The following SCYL1 variants were observed in gnomAD, a reference collection of about 807,000 sequenced individuals.
SCYL1 encodes N-terminal kinase-like protein.
SCYL1 carries 85 observed loss-of-function variants against 94.8 expected under a neutral mutation model. The observed-to-expected ratio is 0.90, with a 90% confidence interval of 0.75 to 1.07. The LOEUF is 1.07. Ranked by LOEUF, SCYL1 falls within the 50% of genes least tolerant of loss-of-function variation. SCYL1 has a pLI of 0.00. For missense variants in SCYL1, 968 were observed against 1,083.3 expected, an observed-to-expected ratio of 0.89 and a Z score of 1.49; for synonymous variants, 459 against 435.5, an observed-to-expected ratio of 1.05 and a Z score of -0.67.
Position 65,527,044 on chromosome 11 carries a change from A to G in SCYL1, c.776A>G (p.Gln259Arg), listed in dbSNP as rs1855121940. 2.5e-6 allele frequency: 4 copies of G among 1,613,618 alleles called. No homozygotes were observed. The highest frequency in any genetic ancestry group is 1.7e-5 in the Admixed American group (1 of 60,014). Residue 259 changes from glutamine to arginine, a missense_variant, in exon 6 of 18, where the codon CAG (glutamine) becomes CGG (arginine). Gln to Arg is a conservative substitution (Grantham distance 43, BLOSUM62 1). Around this residue, in one of 2 missense-constraint regions of SCYL1, gnomAD observed 494 missense variants for 619.7 expected, o/e 0.80. Coordinates refer to ENST00000270176, the MANE Select transcript of SCYL1 (RefSeq NM_020680.4). ...KVRPNPARFL[Q>R]NCRAPGGFMS... The stretch of plus-strand genomic sequence containing the variant: ...CGTCCCAACCCAGCCCGCTTCCTGC[A>G]GAACTGCCGGGCACCTGGTGGCTTC...
At chr11:65,535,462 T>G (rs931479545) in intron 10 of SCYL1, 80 bp downstream of exon 10, 4 of 1,542,800 alleles carry the variant, frequency 2.6e-6, no homozygotes, top group East Asian at 2.3e-5. Context: ...GTCTTGTGTG[T>G]GGGGGCCTTC....
At position 65,538,202 on chromosome 11, in the gene SCYL1, C is replaced by G. The variant is rs750371047; in HGVS notation, c.2247+20C>G. On this transcript the variant is annotated intron_variant, in intron 16 of 17. Coordinates refer to ENST00000270176, the MANE Select transcript of SCYL1 (RefSeq NM_020680.4). ...ACCCAGGTACCCAGCACAGGTCTGG[C>G]GAGAGGGTAGAGATGGTGGACCTCA... 6 of 1,565,578 alleles carry G rather than the reference C, an allele frequency of 3.8e-6. No homozygotes were observed. The South Asian group carries it at 4.7e-5, about 12-fold the overall frequency.
At chr11:65,525,875 C>T in intron 2 of SCYL1, 46 bp from the exon 3 acceptor site, 1 of 1,597,912 alleles carries the variant, frequency 6.3e-7, no homozygotes, top group South Asian at 1.1e-5. Flanking sequence ...ATCTCTCCTT[C>T]CTCTCTGCCC....
chr11:65,525,644 C>T lies in SCYL1; in HGVS notation c.182C>T (p.Ala61Val). 1 of 1,612,816 alleles carries T rather than the reference C, an allele frequency of 6.2e-7. No homozygotes were observed. Among genetic ancestry groups the T allele is most frequent in the Non-Finnish European group, 8.5e-7 (1 of 1,179,952 alleles). The part of the protein sequence containing the change: ...KPGAEEQTQV[A>V]KAAFKRFKTL... ...GGCGCGGAAGAGCAGACCCAGGTGGCCAAAGCTGCCTTCAAGCGCTTCAAA... is the reference window on the plus strand; with the variant it reads ...GGCGCGGAAGAGCAGACCCAGGTGGTCAAAGCTGCCTTCAAGCGCTTCAAA... Residue 61 changes from alanine (A) to valine (V), a missense_variant, in exon 2 of 18, where the codon GCC (alanine) becomes GTC (valine). Ala to Val is a moderately conservative substitution (Grantham distance 64, BLOSUM62 0). Coordinates refer to ENST00000270176, the MANE Select transcript of SCYL1 (RefSeq NM_020680.4).
chr11:65,535,319 G>C lies in SCYL1; in HGVS notation c.1323G>C (p.Gln441His). ...HFARLQAKDE[Q>H]GPIRCNTTVC... The stretch of plus-strand genomic sequence containing the variant: ...CACGGCTACAGGCCAAGGATGAACA[G>C]GGCCCCATCCGCTGCAACACCACAG... The change falls in exon 10 of 18, where the codon CAG becomes CAC. Residue 441 changes from glutamine to histidine, a missense_variant. Physicochemically the swap from Gln to His is conservative, Grantham distance 24. Coordinates refer to ENST00000270176, the MANE Select transcript of SCYL1 (RefSeq NM_020680.4). 1.2e-6 allele frequency: 2 copies of C among 1,614,258 alleles called. No homozygotes were observed. Among genetic ancestry groups the C allele is most frequent in the South Asian group, 2.2e-5 (2 of 91,090 alleles).
chr11:65,532,989 A>G (rs906313759), intron 9 of SCYL1, 184 bp downstream of exon 9: 30 of 580,706 alleles, frequency 5.2e-5, no homozygotes, highest in Non-Finnish European at 2.5e-5. Flanking sequence ...TTCAGCAGAC[A>G]ACGAGCATCT....
intron 15 of SCYL1, 27 bp from the exon 16 acceptor site, chr11:65,537,940 C>T: frequency 1.3e-6 from 2 of 1,594,506 alleles, no homozygotes; most frequent in Middle Eastern, 3.3e-4. Context: ...GGGCCCAGGG[C>T]TACTTCCCCC....
At chr11:65,534,692 G>A (rs1251618749) in intron 9 of SCYL1, among the ~76,000 whole-genome samples, 2 of 152,188 alleles carry the variant, frequency 1.3e-5, no homozygotes, top group Non-Finnish European at 2.9e-5. Flanking sequence ...AAGAGTGTTA[G>A]ATAGAAAAGA....
At chr11:65,535,641 G>A in intron 10 of SCYL1, 2 of 595,560 alleles carry the variant, frequency 3.4e-6, no homozygotes, top group Non-Finnish European at 2.9e-6. Flanking sequence ...TGTAAGTTCA[G>A]TTGCTTGCCG....
At chr11:65,536,945 C>G (rs1292643253) in intron 13 of SCYL1, 41 bp from the exon 14 acceptor site, 1 of 1,566,782 alleles carries the variant, frequency 6.4e-7, no homozygotes, top group East Asian at 2.3e-5. Context: ...CTGCCCTGTC[C>G]CAAGACCCCC....
chr11:65,536,216 T>C (rs1341558127), intron 11 of SCYL1, 43 bp from the exon 12 acceptor site: 3 of 1,608,328 alleles, frequency 1.9e-6, no homozygotes, highest in Non-Finnish European at 1.7e-6. Context: ...TGGTAGGTTC[T>C]TGGGAACCCC....
rs887896586 is a variant in SCYL1, at chr11:65,528,872, G to A, written c.849+1755G>A. ...GAGCTGGGGCCTGAAGGACATGACT[G>A]TGGGAGCCAGAGGGATGGTACCTGG... On this transcript the variant is annotated intron_variant, in intron 6 of 17. Coordinates refer to ENST00000270176, the MANE Select transcript of SCYL1 (RefSeq NM_020680.4). 9.8e-5 allele frequency among the ~76,000 whole-genome samples: 15 copies of A among 152,338 alleles called. No individual in the cohort carries two copies. The South Asian group carries it at 2.9e-3, about 29-fold the overall frequency.
chr11:65,536,907 C>T, intron 13 of SCYL1, 79 bp from the exon 14 acceptor site: 3 of 1,239,262 alleles, frequency 2.4e-6, no homozygotes, highest in Non-Finnish European at 3.5e-6. Flanking sequence ...GCCCCTTCCC[C>T]CCAGTAGCCC....
rs771810546 is a variant in SCYL1, at chr11:65,531,594, G to A, written c.1027G>A (p.Ala343Thr). The change falls in exon 8 of 18, where the codon GCT becomes ACT. Residue 343 changes from alanine (A) to threonine (T), a missense_variant. Ala to Thr is a moderately conservative substitution (Grantham distance 58). Coordinates refer to ENST00000270176, the MANE Select transcript of SCYL1 (RefSeq NM_020680.4). ...PLFKVGKFLS[A>T]EEYQQKIIPV... is the part of the protein sequence containing the mutation. Reference sequence around the variant, plus strand: ...CTTTCAGGTGGGCAAGTTCCTGAGCGCTGAGGAGTATCAGCAGAAGATCAT... The same window carrying A: ...CTTTCAGGTGGGCAAGTTCCTGAGCACTGAGGAGTATCAGCAGAAGATCAT... 26 of 1,613,792 alleles carry A rather than the reference G, an allele frequency of 1.6e-5. No homozygotes were observed. The Admixed American group carries it at 2.2e-4, about 13-fold the overall frequency.
intron 9 of SCYL1, 188 bp downstream of exon 9, chr11:65,532,993 A>G: frequency 1.7e-6 from 1 of 577,862 alleles, no homozygotes; most frequent in Non-Finnish European, 3.2e-6. Context: ...GCAGACAACG[A>G]GCATCTGCCT....
intron 6 of SCYL1, among the ~76,000 whole-genome samples, chr11:65,528,344 G>A (rs1855195365): frequency 6.6e-6 from 1 of 152,092 alleles, no homozygotes; most frequent in African/African-American, 2.4e-5. Context: ...AGGAAGGCTG[G>A]GGCAGGAAAA....
At chr11:65,535,052 G>T in intron 9 of SCYL1, 175 bp from the exon 10 acceptor site, 1 of 716,180 alleles carries the variant, frequency 1.4e-6, no homozygotes, top group Non-Finnish European at 2.3e-6. Flanking sequence ...CTGTAAAGGG[G>T]GACAGAAATG....
rs1284587171 is a variant in SCYL1 at position 65,538,645 on chromosome 11, C to T, written c.*79C>T. The T allele has an allele frequency of 4.7e-6, 7 of 1,487,956 alleles. No individual in the cohort carries two copies. Among genetic ancestry groups the T allele is most frequent in the South Asian group, 2.6e-5 (2 of 77,502 alleles). The allele number at this position is 1,487,956 out of a possible 1,614,324, so 92.2% of individuals were successfully genotyped here. On this transcript the variant is annotated 3_prime_UTR_variant, in exon 18 of 18. Coordinates refer to ENST00000270176, the MANE Select transcript of SCYL1 (RefSeq NM_020680.4). The stretch of plus-strand genomic sequence containing the variant: ...ATTGTACAAACCATGTGAGCCCGGC[C>T]GGCCCAGCCAGGCCATCTCACGTGT...
Position 65,530,566 on chromosome 11 carries a change from A to G in SCYL1, c.850-63A>G, listed in dbSNP as rs566613650. ...GCATCACTTCTCCTTGTCCTCACCCATGGCTGGGTTTGGGCTGCAACCAGG... is the reference window on the plus strand; with the variant it reads ...GCATCACTTCTCCTTGTCCTCACCCGTGGCTGGGTTTGGGCTGCAACCAGG... On this transcript the variant is annotated intron_variant, in intron 6 of 17. Coordinates refer to ENST00000270176, the MANE Select transcript of SCYL1 (RefSeq NM_020680.4). 54 of 1,554,380 alleles carry G rather than the reference A, an allele frequency of 3.5e-5. No homozygotes were observed. In the South Asian group the frequency reaches 4.7e-4, roughly 14 times the overall value.
Sources: gnomAD v4.1 joint callset for allele counts (sites outside exome capture counted in the v4.1 genomes callset) on GRCh38, gnomAD v4.1.1 for gene constraint, gnomAD v4.1.1 regional missense constraint, MANE v1.5 for transcripts, NCBI Gene and HGNC (gene_info 2026-07-23, HGNC 2026-07-21) for gene names.